TCEANC2: variants seen among roughly 807,000 people sequenced by gnomAD.
The protein encoded by TCEANC2 is transcription elongation factor A N-terminal and central domain-containing protein 2.
A neutral mutation model predicts 22.8 loss-of-function variants in TCEANC2; 20 were observed. The ratio of observed to expected loss-of-function variants is 0.88; its 90% CI spans 0.62 to 1.28. TCEANC2 has a LOEUF of 1.28. Among genes scored for constraint, TCEANC2 ranks in the 50% most tolerant of loss-of-function variants. The pLI is 0.00. For missense variants in TCEANC2, 251 were observed against 249.7 expected, an observed-to-expected ratio of 1.01 and a Z score of -0.03; for synonymous variants, 84 against 95.5, an observed-to-expected ratio of 0.88 and a Z score of 0.70.
downstream of TCEANC2, among the ~76,000 whole-genome samples, chr1:54,107,973 T>C (rs1557698385): frequency 6.6e-6 from 1 of 152,228 alleles, no homozygotes; most frequent in Non-Finnish European, 1.5e-5. Flanking sequence ...TGTCCACATA[T>C]TTTGTTGCCT....
At chr1:54,078,555 A>G (rs1658184820) in intron 3 of TCEANC2, among the ~76,000 whole-genome samples, 1 of 152,108 alleles carries the variant, frequency 6.6e-6, no homozygotes, top group Non-Finnish European at 1.5e-5. Context: ...TTCTCTCAGT[A>G]TTTGCATTTG....
chr1:54,056,533 G>A (rs566262137), intron 2 of TCEANC2, among the ~76,000 whole-genome samples: 1 of 151,854 alleles, frequency 6.6e-6, no homozygotes, highest in African/African-American at 2.4e-5. Flanking sequence ...CACTATGTTG[G>A]CCAGGCTGGT....
chr1:54,109,570 C>A (rs1033619157), downstream of TCEANC2, among the ~76,000 whole-genome samples: 5 of 152,220 alleles, frequency 3.3e-5, no homozygotes, highest in Non-Finnish European at 5.9e-5. Flanking sequence ...TATAGCACAT[C>A]AGGCATTTCG....
At chr1:54,065,702 G>T (rs1051192675) in intron 2 of TCEANC2, among the ~76,000 whole-genome samples, 2 of 150,504 alleles carry the variant, frequency 1.3e-5, no homozygotes, top group African/African-American at 5.0e-5. Flanking sequence ...AACAGAGCAT[G>T]ACTCTGTCTC....
Position 54,059,877 on chromosome 1 carries a change from C to T in TCEANC2, c.102+5353C>T, listed in dbSNP as rs1194584230. Among the ~76,000 whole-genome samples the T allele has an allele frequency of 2.0e-5, 3 of 152,208 alleles. No homozygotes were observed. The East Asian group carries it at 5.8e-4, about 29-fold the overall frequency. Reference sequence around the variant, plus strand: ...ATGTTGTGAAACAGCTTATGCCCAGCACAATGCTAAGTACTATAGAGAACA... The same window carrying T: ...ATGTTGTGAAACAGCTTATGCCCAGTACAATGCTAAGTACTATAGAGAACA... On this transcript the variant is annotated intron_variant, in intron 2 of 4. Coordinates refer to ENST00000234827, the MANE Select transcript of TCEANC2 (RefSeq NM_153035.3).
chr1:54,088,646 T>C lies in TCEANC2; in HGVS notation c.294T>C (p.Ser98=). Reference sequence around the variant, plus strand: ...AACACTCAGATTCAGAAGTGGCTTCTCTTGCCAGAGAAGTTTACACTGAGT... The same window carrying C: ...AACACTCAGATTCAGAAGTGGCTTCCCTTGCCAGAGAAGTTTACACTGAGT... ...MRKHSDSEVA[S]LAREVYTEWK... is the part of the protein sequence containing the mutation. The change falls in exon 4 of 5, where the codon TCT becomes TCC. Residue 98 remains serine (S), a synonymous_variant. Coordinates refer to ENST00000234827, the MANE Select transcript of TCEANC2 (RefSeq NM_153035.3). The C allele has an allele frequency of 6.2e-7, 1 of 1,606,770 alleles. No individual in the cohort carries two copies. The highest frequency in any genetic ancestry group is 2.2e-5 in the East Asian group (1 of 44,594).
chr1:54,090,950 T>G (rs1658434803), intron 4 of TCEANC2, among the ~76,000 whole-genome samples: 1 of 152,186 alleles, frequency 6.6e-6, no homozygotes, highest in South Asian at 2.1e-4. Context: ...TCCTTTTAGT[T>G]TATCCATTAA....
At position 54,103,540 on chromosome 1, in the gene TCEANC2, G is replaced by A. The variant is rs1042092881; in HGVS notation, c.*7067G>A. 7.9e-5 allele frequency: 12 copies of A among 152,296 alleles called. No homozygotes were observed. Among genetic ancestry groups the A allele is most frequent in the East Asian group, 7.7e-4 (4 of 5,188 alleles). The allele number at this position is 152,296 out of a possible 1,614,324, so 9.4% of individuals were successfully genotyped here. ...TCCCACCATGTCCCTCCCTCAACAC[G>A]TGGGGATTATAATTCGAGTTAAGAT... On this transcript the variant is annotated 3_prime_UTR_variant, in exon 5 of 5. Coordinates refer to ENST00000234827, the MANE Select transcript of TCEANC2 (RefSeq NM_153035.3).
intron 3 of TCEANC2, among the ~76,000 whole-genome samples, chr1:54,088,260 A>G (rs554961926): frequency 2.0e-5 from 3 of 152,336 alleles, no homozygotes; most frequent in East Asian, 1.9e-4. Flanking sequence ...CTTGAAATAC[A>G]GTATGTACCC....
chr1:54,110,482 T>C (rs1161577688), downstream of TCEANC2, among the ~76,000 whole-genome samples: 1 of 151,792 alleles, frequency 6.6e-6, no homozygotes, highest in East Asian at 1.9e-4. Context: ...CATGCACCTG[T>C]GGTCCCAGCT....
At chr1:54,111,933 A>C (rs1023708322) in exon 5 of TCEANC2, 1 of 152,148 alleles carries the variant, frequency 6.6e-6, no homozygotes, top group African/African-American at 2.4e-5. Flanking sequence ...AGTCAGGGAA[A>C]CTCATGTTTT....
At chr1:54,090,435 C>T (rs1288224911) in intron 4 of TCEANC2, among the ~76,000 whole-genome samples, 1 of 152,006 alleles carries the variant, frequency 6.6e-6, no homozygotes. Flanking sequence ...CCAAATGTTC[C>T]ATAAGATATT....
intron 2 of TCEANC2, among the ~76,000 whole-genome samples, chr1:54,064,324 G>A (rs11801621): frequency 0.096 from 14,670 of 152,180 alleles, 1,665 homozygotes; most frequent in African/African-American, 0.28. Flanking sequence ...GACAGAATGC[G>A]TAAAGCAACA....
rs1570027680 is a variant in TCEANC2 at position 54,096,976 on chromosome 1, C to G, written c.*503C>G. 2.0e-6 allele frequency: 2 copies of G among 985,996 alleles called. No individual in the cohort carries two copies. Among genetic ancestry groups the G allele is most frequent in the African/African-American group, 3.5e-5 (2 of 57,226 alleles). The allele number at this position is 985,996 out of a possible 1,614,324, so 61.1% of individuals were successfully genotyped here. ...CCAGGGGTGAGCCTGCGAGAGCCAG[C>G]CAACTACCCCTTCTTCCCAGAGCTC... On this transcript the variant is annotated 3_prime_UTR_variant, in exon 5 of 5. Transcript: ENST00000234827. The surrounding 1 kb of genome is among the most constrained non-coding windows in gnomAD (Gnocchi z 4.9).
intron 2 of TCEANC2, among the ~76,000 whole-genome samples, chr1:54,056,586 A>C (rs1369454716): frequency 6.6e-6 from 1 of 151,862 alleles, no homozygotes; most frequent in Non-Finnish European, 1.5e-5. Flanking sequence ...CGGCCTCCCA[A>C]AGTGCTGGGA....
At chr1:54,057,693 C>G (rs1201519601) in intron 2 of TCEANC2, among the ~76,000 whole-genome samples, 1 of 152,132 alleles carries the variant, frequency 6.6e-6, no homozygotes, top group South Asian at 2.1e-4. Context: ...AAAATCTACT[C>G]AGGTCACTTT....
rs188828589 is a variant in TCEANC2, at chr1:54,062,257, A to G, written c.103-6499A>G. Among the ~76,000 whole-genome samples the G allele has an allele frequency of 2.0e-4, 30 of 152,340 alleles. No homozygotes were observed. The East Asian group carries it at 4.8e-3, about 24-fold the overall frequency. ...TGGAAAGCACATCTTCTTTCTGGCA[A>G]TAACTATTCTACTCCTCATTGTAGT... On this transcript the variant is annotated intron_variant, in intron 2 of 4. Transcript: ENST00000234827.
At chr1:54,091,358 G>A (rs998166213) in intron 4 of TCEANC2, among the ~76,000 whole-genome samples, 1 of 152,176 alleles carries the variant, frequency 6.6e-6, no homozygotes, top group African/African-American at 2.4e-5. Context: ...CCAATGTTGA[G>A]TGCGTTCAAA....
At chr1:54,060,262 G>A (rs557637957) in intron 2 of TCEANC2, among the ~76,000 whole-genome samples, 2 of 152,226 alleles carry the variant, frequency 1.3e-5, no homozygotes, top group East Asian at 1.9e-4. Flanking sequence ...AAAATTAGCT[G>A]GGCGTGGTCG....
Sources: gnomAD v4.1 joint callset for allele counts (sites outside exome capture counted in the v4.1 genomes callset) on GRCh38, gnomAD v4.1.1 for gene constraint, Gnocchi (gnomAD v3.1) non-coding constraint, MANE v1.5 for transcripts, NCBI Gene and HGNC (gene_info 2026-07-23, HGNC 2026-07-21) for gene names.